PLA2G6: variants seen among roughly 807,000 people sequenced by gnomAD.
PLA2G6 encodes the protein phospholipase A2 group VI, also known as 85/88 kDa calcium-independent phospholipase A2.
In PLA2G6, 62 loss-of-function variants were observed where a neutral mutation model predicts 83.8. The ratio of observed to expected loss-of-function variants is 0.74; its 90% confidence interval spans 0.60 to 0.91. The LOEUF (loss-of-function observed/expected upper bound fraction) is 0.91. PLA2G6 is among the 40% of genes least tolerant of loss of function. The pLI is 0.00. For missense variants in PLA2G6, 944 were observed against 1,102.0 expected (o/e 0.86, Z 2.03); for synonymous variants, 417 against 449.8 (o/e 0.93, Z 0.92).
chr22:38,169,969 G>A (rs888209740), intron 1 of PLA2G6, among the ~76,000 whole-genome samples: 5 of 152,096 alleles, frequency 3.3e-5, no homozygotes, highest in Admixed American at 1.3e-4. Context: ...AGGCTGAGGC[G>A]GGCGGATCAT....
chr22:38,123,023 G>A lies in PLA2G6; in HGVS notation c.1591+72C>T. The A allele has an allele frequency of 7.0e-7, 1 of 1,426,748 alleles. No homozygotes were observed. The highest frequency in any genetic ancestry group is 1.2e-5 in the South Asian group (1 of 81,664). 88.4% of individuals were successfully genotyped at this position (1,426,748 alleles called of 1,614,324 possible). On this transcript the variant is annotated intron_variant, in intron 11 of 16. Transcript: ENST00000332509. This position sits in a 1 kb window ranked among gnomAD's most constrained non-coding sequence, Gnocchi z 4.1. ...CTCCACTCTCTTTTTGCAAAGCCCTGAAGACAAACTCGGCCCCTTGAGGAC... is the reference window on the plus strand; with the variant it reads ...CTCCACTCTCTTTTTGCAAAGCCCTAAAGACAAACTCGGCCCCTTGAGGAC...
intron 1 of PLA2G6, among the ~76,000 whole-genome samples, chr22:38,179,343 CATAG>C (rs1231952515): frequency 1.3e-5 from 2 of 152,152 alleles, no homozygotes; most frequent in South Asian, 2.1e-4. Flanking sequence ...AGAGAGGCAT[CATAG>C]ATAATCTCAC....
chr22:38,125,831 T>G, intron 10 of PLA2G6: 1 of 408,622 alleles, frequency 2.4e-6, no homozygotes, highest in Non-Finnish European at 5.0e-6. Flanking sequence ...TCCTGGTACC[T>G]TGCCGTGCCA....
At chr22:38,155,178 A>C (rs2089727201) in intron 2 of PLA2G6, among the ~76,000 whole-genome samples, 1 of 151,876 alleles carries the variant, frequency 6.6e-6, no homozygotes, top group African/African-American at 2.4e-5. Flanking sequence ...AGTGAGCGGA[A>C]ATCGCGCCAC....
intron 2 of PLA2G6, chr22:38,146,782 C>CT (rs132937): frequency 0.23 from 30,102 of 132,920 alleles, 4,236 homozygotes; most frequent in African/African-American, 0.38. Context: ...CTTTTCTTTT[C>CT]TTTTTTTTTT....
At position 38,172,256 on chromosome 22, in the gene PLA2G6, G is replaced by A. The variant is rs560378553; in HGVS notation, c.-45-2785C>T. On this transcript the variant is annotated intron_variant, in intron 1 of 16. Transcript: ENST00000332509. ...CCAAAGAACAGAGGGGTAAAGTCAC[G>A]GGCCCAGGGTCACCCAGCTAGTGGG... Among the ~76,000 whole-genome samples the A allele has an allele frequency of 4.6e-5, 7 of 152,248 alleles. No homozygotes were observed. In the East Asian group the frequency reaches 7.7e-4, roughly 17 times the overall value.
rs746554354 is a variant in PLA2G6 at position 38,145,595 on chromosome 22, G to C, written c.268C>G (p.Gln90Glu). ...GAGCTCTCATAGAAGGGTAGCAGCT[G>C]GGAAGAATACTGATGGAAATTCACT... ...ALVNFHQYSS[Q>E]LLPFYESSPQ... Residue 90 changes from glutamine to glutamate, a missense_variant, in exon 3 of 17, where the codon CAG (glutamine) becomes GAG (glutamate). Physicochemically the swap from Gln to Glu is conservative, Grantham distance 29. Transcript: ENST00000332509. 7 of 1,613,842 alleles carry C rather than the reference G, an allele frequency of 4.3e-6. No homozygotes were observed. The Admixed American group carries it at 6.7e-5, about 15-fold the overall frequency.
rs2087987874 is a variant in PLA2G6 at position 38,128,255 on chromosome 22, G to C, written c.1348+14C>G. On this transcript the variant is annotated intron_variant, in intron 9 of 16. Transcript: ENST00000332509. The surrounding 1 kb of genome is among the most constrained non-coding windows in gnomAD (Gnocchi z 4.4). Reference sequence around the variant, plus strand: ...AACCAGCTGGAGAAGAGGGAGTCGGGAGGCGAGGCCTACCTAGGTTGTTTA... The same window carrying C: ...AACCAGCTGGAGAAGAGGGAGTCGGCAGGCGAGGCCTACCTAGGTTGTTTA... 1 of 1,611,820 alleles carries C rather than the reference G, an allele frequency of 6.2e-7. No individual in the cohort carries two copies. The highest frequency in any genetic ancestry group is 8.5e-7 in the Non-Finnish European group (1 of 1,179,670).
chr22:38,125,007 G>C (rs1163061204), intron 10 of PLA2G6, among the ~76,000 whole-genome samples: 1 of 152,208 alleles, frequency 6.6e-6, no homozygotes, highest in Non-Finnish European at 1.5e-5. Context: ...CTCCAGGCAG[G>C]GTTCTGAGGC....
intron 2 of PLA2G6, chr22:38,148,602 A>G: frequency 1.4e-6 from 1 of 715,384 alleles, no homozygotes; most frequent in South Asian, 1.5e-5. Flanking sequence ...GGCTCAGGAC[A>G]CAGGGACTGG....
intron 2 of PLA2G6, among the ~76,000 whole-genome samples, chr22:38,165,866 C>T (rs1047152583): frequency 6.6e-6 from 1 of 151,944 alleles, no homozygotes; most frequent in African/African-American, 2.4e-5. Flanking sequence ...AGCGACAGAG[C>T]GAGACTCCAT....
At position 38,132,891 on chromosome 22, in the gene PLA2G6, G is replaced by A. The variant is rs954473259; in HGVS notation, c.1017C>T (p.His339=). Residue 339 remains histidine, a synonymous_variant, in exon 7 of 17, where the codon CAC becomes CAT. Transcript: ENST00000332509. This position sits in a 1 kb window ranked among gnomAD's most constrained non-coding sequence, Gnocchi z 5.0. ...RFDCAIVLLT[H]GANADARGEH... ...CTCCGCGGGCATCCGCGTTGGCCCC[G>A]TGGGTCAGCAGCACTATGGCACAGT... 3.2e-6 allele frequency: 5 copies of A among 1,554,980 alleles called. No individual in the cohort carries two copies. In the African/African-American group the frequency reaches 4.1e-5, roughly 13 times the overall value.
chr22:38,133,991 G>A (rs1035835753), intron 6 of PLA2G6: 3 of 152,202 alleles, frequency 2.0e-5, no homozygotes, highest in African/African-American at 7.2e-5. Flanking sequence ...TAACATTTGA[G>A]TCAGTAGGGG....
rs147010853 is a variant in PLA2G6, at chr22:38,175,653, G to A, written c.-46+6011C>T. Among the ~76,000 whole-genome samples, 148 of 152,288 alleles carry A rather than the reference G, an allele frequency of 9.7e-4. 1 individual carries two copies. The highest frequency in any genetic ancestry group is 3.4e-3 in the African/African-American group (141 of 41,538). On this transcript the variant is annotated intron_variant, in intron 1 of 16. Transcript: ENST00000332509. ...TTATCCATGAAGATACAGCTCAGGTGCCATCTCCTCTGAAAATTCATACCC... is the reference window on the plus strand; with the variant it reads ...TTATCCATGAAGATACAGCTCAGGTACCATCTCCTCTGAAAATTCATACCC...
intron 1 of PLA2G6, among the ~76,000 whole-genome samples, chr22:38,176,630 A>C (rs133017): frequency 0.51 from 77,906 of 151,962 alleles, 20,516 homozygotes; most frequent in South Asian, 0.64. Flanking sequence ...TCTGTGCCAC[A>C]CAGCACGGGA....
At chr22:38,153,723 A>T (rs896603353) in intron 2 of PLA2G6, among the ~76,000 whole-genome samples, 15 of 152,282 alleles carry the variant, frequency 9.9e-5, no homozygotes, top group South Asian at 2.1e-4. Flanking sequence ...CACACAAAAA[A>T]GTACCTTCAT....
chr22:38,174,835 T>C (rs4382), intron 1 of PLA2G6, among the ~76,000 whole-genome samples: 77,805 of 151,822 alleles, frequency 0.51, 20,485 homozygotes, highest in South Asian at 0.64. Flanking sequence ...ACAGGTCACC[T>C]GGAGCCACTT....
chr22:38,162,292 T>C (rs2090049724), intron 2 of PLA2G6, among the ~76,000 whole-genome samples: 1 of 149,942 alleles, frequency 6.7e-6, no homozygotes. Context: ...GGTGGAGAAC[T>C]GAAACCAAGC....
At chr22:38,138,309 T>C (rs1602154311) in intron 5 of PLA2G6, 1 of 152,784 alleles carries the variant, frequency 6.5e-6, no homozygotes, top group South Asian at 2.1e-4. Context: ...TGGTCAAGTA[T>C]TTCTGAAAGC....
Sources: allele counts gnomAD v4.1 joint callset (sites outside exome capture counted in the v4.1 genomes callset), GRCh38; gene constraint gnomAD v4.1.1; non-coding constraint Gnocchi (gnomAD v3.1); transcripts MANE v1.5; gene names NCBI Gene and HGNC (gene_info 2026-07-23, HGNC 2026-07-21).